Variants in PRKD1 observed in about 807,000 individuals in gnomAD.
PRKD1 encodes the protein protein kinase D1.
Under a neutral mutation model 95.9 loss-of-function variants are expected in PRKD1, and 63 were observed. That is an observed-to-expected ratio of 0.66 (90% CI 0.54 to 0.81). The LOEUF (loss-of-function observed/expected upper bound fraction) is 0.81, where lower values mean the gene tolerates loss of function less well. Ranked by LOEUF, PRKD1 falls within the 30% of genes least tolerant of loss-of-function variation. The pLI is 0.00. For synonymous variants in PRKD1, 425 were observed against 423.1 expected (o/e 1.00, Z -0.05); for missense variants, 1,048 against 1,165.3 (o/e 0.90, Z 1.47).
chr14:29,686,629 C>T (rs1452310719), intron 2 of PRKD1, among the ~76,000 whole-genome samples: 1 of 152,182 alleles, frequency 6.6e-6, no homozygotes, highest in Non-Finnish European at 1.5e-5. Flanking sequence ...AGGTTGAGGG[C>T]TTTGCCAGTA....
intron 1 of PRKD1, among the ~76,000 whole-genome samples, chr14:29,749,899 AGTT>A (rs1381796570): frequency 6.6e-6 from 1 of 152,250 alleles, no homozygotes; most frequent in Non-Finnish European, 1.5e-5. Flanking sequence ...TGGCAGAATT[AGTT>A]GGGGATGTAT....
chr14:29,587,807 A>C (rs1892988261), intron 16 of PRKD1, among the ~76,000 whole-genome samples: 1 of 152,146 alleles, frequency 6.6e-6, no homozygotes, highest in African/African-American at 2.4e-5. Flanking sequence ...GTTCCTTCTT[A>C]TTGTATAAAA....
intron 16 of PRKD1, among the ~76,000 whole-genome samples, chr14:29,581,957 C>T (rs1892770127): frequency 6.6e-6 from 1 of 152,176 alleles, no homozygotes; most frequent in African/African-American, 2.4e-5. Flanking sequence ...TAAAAGCAGG[C>T]AGTGCTTCCT....
chr14:29,690,825 C>A (rs1464254452), intron 2 of PRKD1, among the ~76,000 whole-genome samples: 3 of 152,162 alleles, frequency 2.0e-5, no homozygotes, highest in Admixed American at 1.3e-4. Context: ...TACCCCCATT[C>A]TTACATTCTC....
intron 2 of PRKD1, among the ~76,000 whole-genome samples, chr14:29,681,335 C>G (rs1320626176): frequency 6.6e-6 from 1 of 151,800 alleles, no homozygotes; most frequent in Non-Finnish European, 1.5e-5. Context: ...CTTTCTGTCA[C>G]TTCATGAAAA....
At chr14:29,820,553 A>G (rs1286014681) in intron 1 of PRKD1, among the ~76,000 whole-genome samples, 3 of 152,194 alleles carry the variant, frequency 2.0e-5, no homozygotes, top group Non-Finnish European at 2.9e-5. Context: ...GGTAAAATCA[A>G]CTAATAACAC....
chr14:29,882,943 G>C (rs1053146784), intron 1 of PRKD1, among the ~76,000 whole-genome samples: 3 of 152,040 alleles, frequency 2.0e-5, no homozygotes, highest in Non-Finnish European at 4.4e-5. Context: ...CGACCCTTTG[G>C]CTACTGTATT....
chr14:29,656,398 G>T (rs1016570419), intron 4 of PRKD1: 353 of 1,367,858 alleles, frequency 2.6e-4, no homozygotes, highest in Non-Finnish European at 3.3e-4. Context: ...ACAGACAATT[G>T]TCTGATGTCA....
intron 1 of PRKD1, among the ~76,000 whole-genome samples, chr14:29,915,160 C>T (rs1264994045): frequency 1.3e-5 from 2 of 152,174 alleles, no homozygotes; most frequent in African/African-American, 4.8e-5. Context: ...CCACAATGAT[C>T]AATATATGGT....
chr14:29,749,675 C>T, intron 1 of PRKD1, among the ~76,000 whole-genome samples: 1 of 152,112 alleles, frequency 6.6e-6, no homozygotes, highest in East Asian at 1.9e-4. Context: ...TACAGCTTTA[C>T]ATCTGTAAAG....
At chr14:29,630,089 C>T (rs1275361624) in intron 10 of PRKD1, among the ~76,000 whole-genome samples, 1 of 149,558 alleles carries the variant, frequency 6.7e-6, no homozygotes, top group Admixed American at 6.7e-5. Flanking sequence ...TCATGTCCTT[C>T]TCCTTTCTTC....
Position 29,884,894 on chromosome 14 carries a change from G to A in PRKD1, c.264+42355C>T, listed in dbSNP as rs552485720. ...TCCCAGCACTTTGGGAGGCCGAAGC[G>A]GGTGGATCACGAGGTCAGGAGATCA... On this transcript the variant is annotated intron_variant, in intron 1 of 17. Coordinates refer to ENST00000331968, the MANE Select transcript of PRKD1 (RefSeq NM_002742.3). Among the ~76,000 whole-genome samples the A allele has an allele frequency of 5.9e-5, 9 of 152,192 alleles. No homozygotes were observed. In the East Asian group the frequency reaches 7.7e-4, roughly 13 times the overall value.
intron 2 of PRKD1, among the ~76,000 whole-genome samples, chr14:29,719,092 C>T (rs528236751): frequency 1.3e-4 from 20 of 151,890 alleles, no homozygotes. Flanking sequence ...ATGTTGTTAC[C>T]ATATTTTTTT....
chr14:29,766,397 A>G (rs1888259090), intron 1 of PRKD1, among the ~76,000 whole-genome samples: 1 of 152,216 alleles, frequency 6.6e-6, no homozygotes, highest in Non-Finnish European at 1.5e-5. Context: ...GAAATAGGAT[A>G]TCACAGGACG....
At chr14:29,853,746 A>T (rs1488633553) in intron 1 of PRKD1, among the ~76,000 whole-genome samples, 1 of 152,204 alleles carries the variant, frequency 6.6e-6, no homozygotes, top group East Asian at 1.9e-4. Flanking sequence ...TGTAGCTCCC[A>T]TAATTCCCAT....
chr14:29,673,360 T>C (rs926461191), intron 2 of PRKD1, among the ~76,000 whole-genome samples: 2 of 152,226 alleles, frequency 1.3e-5, no homozygotes, highest in African/African-American at 4.8e-5. Flanking sequence ...TTTCTAAGAA[T>C]GCGTCACCGT....
At chr14:29,763,502 G>C (rs1888118371) in intron 1 of PRKD1, among the ~76,000 whole-genome samples, 1 of 137,650 alleles carries the variant, frequency 7.3e-6, no homozygotes, top group Admixed American at 7.0e-5. Flanking sequence ...AGGGAGGGAA[G>C]GGTAAACACA....
intron 1 of PRKD1, among the ~76,000 whole-genome samples, chr14:29,911,179 T>A (rs191397585): frequency 6.6e-6 from 1 of 152,234 alleles, no homozygotes; most frequent in East Asian, 1.9e-4. Context: ...TAAGAACATA[T>A]AAAGGTTTAT....
At chr14:29,918,394 T>C (rs1310928815) in intron 1 of PRKD1, among the ~76,000 whole-genome samples, 4 of 151,576 alleles carry the variant, frequency 2.6e-5, no homozygotes, top group African/African-American at 9.8e-5. Context: ...AAAACACTTA[T>C]TATGACCCCA....
Sources: gnomAD v4.1 joint callset for allele counts (sites outside exome capture counted in the v4.1 genomes callset) on GRCh38, gnomAD v4.1.1 for gene constraint, MANE v1.5 for transcripts, NCBI Gene and HGNC (gene_info 2026-07-23, HGNC 2026-07-21) for gene names.